CMSS1: variants seen among roughly 807,000 people sequenced by gnomAD.
The protein encoded by CMSS1 is cms1 ribosomal small subunit homolog, also known as protein CMSS1.
A neutral mutation model predicts 43.5 loss-of-function variants in CMSS1; 33 were observed. That is an observed-to-expected ratio of 0.76 (90% CI 0.57 to 1.01). The LOEUF (loss-of-function observed/expected upper bound fraction) is 1.01. CMSS1 is among the 50% of genes least tolerant of loss of function. The pLI is 0.00. For synonymous variants in CMSS1, 115 were observed against 117.2 expected (o/e 0.98, Z 0.12); for missense variants, 313 against 326.4 (o/e 0.96, Z 0.32).
At chr3:99,850,146 T>C (rs1194959327) in intron 1 of CMSS1, 5 of 1,611,536 alleles carry the variant, frequency 3.1e-6, no homozygotes, top group African/African-American at 1.3e-5. Flanking sequence ...TTTTCTTTAA[T>C]TTTTCACTCA....
chr3:100,025,838 A>C (rs887618340), intron 1 of CMSS1, among the ~76,000 whole-genome samples: 8 of 152,154 alleles, frequency 5.3e-5, no homozygotes, highest in Admixed American at 5.2e-4. Flanking sequence ...AGCCCAGGGA[A>C]GATAAATAAT....
At chr3:100,061,457 G>A (rs1451896422) in intron 1 of CMSS1, among the ~76,000 whole-genome samples, 1 of 152,146 alleles carries the variant, frequency 6.6e-6, no homozygotes, top group East Asian at 1.9e-4. Context: ...CCAGGCCCTT[G>A]TTTTACTTTC....
intron 1 of CMSS1, among the ~76,000 whole-genome samples, chr3:100,058,238 A>G (rs1250898016): frequency 6.6e-6 from 1 of 152,208 alleles, no homozygotes; most frequent in Non-Finnish European, 1.5e-5. Flanking sequence ...GCAGAAAATT[A>G]AGAGGCATCT....
chr3:99,889,946 G>A (rs1376280979), intron 1 of CMSS1, among the ~76,000 whole-genome samples: 1 of 151,956 alleles, frequency 6.6e-6, no homozygotes, highest in Non-Finnish European at 1.5e-5. Flanking sequence ...GGCAATTATT[G>A]GTTTAGATAT....
chr3:99,920,108 A>C (rs1707078053), intron 1 of CMSS1, among the ~76,000 whole-genome samples: 1 of 152,254 alleles, frequency 6.6e-6, no homozygotes, highest in Non-Finnish European at 1.5e-5. Context: ...CCATGGTTGA[A>C]GCCACAGTTT....
At chr3:99,968,277 G>T (rs917162327) in intron 1 of CMSS1, among the ~76,000 whole-genome samples, 1 of 152,108 alleles carries the variant, frequency 6.6e-6, no homozygotes, top group Non-Finnish European at 1.5e-5. Flanking sequence ...CAAAAAAATG[G>T]CAAACTACAG....
intron 1 of CMSS1, among the ~76,000 whole-genome samples, chr3:99,888,377 A>AT (rs1448235216): frequency 6.6e-6 from 1 of 152,112 alleles, no homozygotes; most frequent in Non-Finnish European, 1.5e-5. Flanking sequence ...TAAAAAAAAA[A>AT]AGTGACTGCT....
chr3:100,081,723 A>G (rs1382188626), intron 1 of CMSS1, among the ~76,000 whole-genome samples: 2 of 152,214 alleles, frequency 1.3e-5, no homozygotes, highest in Non-Finnish European at 2.9e-5. Context: ...AAATGTTACA[A>G]TGATACATCA....
At chr3:100,166,255 C>A in intron 4 of CMSS1, 80 bp from the exon 5 acceptor site, 1 of 936,786 alleles carries the variant, frequency 1.1e-6, no homozygotes, top group South Asian at 1.3e-5. Context: ...TTATACATCA[C>A]TCATAACTCA....
intron 1 of CMSS1, among the ~76,000 whole-genome samples, chr3:100,121,282 CT>C (rs1436909607): frequency 6.7e-6 from 1 of 149,674 alleles, no homozygotes; most frequent in African/African-American, 2.5e-5. Context: ...TGATGTTCCC[CT>C]CCCTGTGTCC....
At chr3:100,004,839 G>C (rs1709943543) in intron 1 of CMSS1, among the ~76,000 whole-genome samples, 1 of 152,232 alleles carries the variant, frequency 6.6e-6, no homozygotes, top group Admixed American at 6.5e-5. Context: ...CTATGGGGCA[G>C]GTGGGGAAAA....
intron 1 of CMSS1, among the ~76,000 whole-genome samples, chr3:99,962,011 T>C (rs149883227): frequency 2.7e-3 from 418 of 152,174 alleles, no homozygotes; most frequent in African/African-American, 9.5e-3. Flanking sequence ...GCCTTGCTGA[T>C]TGGGGGTTAG....
At chr3:99,923,692 C>A (rs564610077) in intron 1 of CMSS1, among the ~76,000 whole-genome samples, 1 of 152,298 alleles carries the variant, frequency 6.6e-6, no homozygotes, top group East Asian at 1.9e-4. Flanking sequence ...CTCCATGTTC[C>A]CTTAATCGTT....
chr3:100,002,946 G>T (rs1319387491), intron 1 of CMSS1, among the ~76,000 whole-genome samples: 3 of 152,170 alleles, frequency 2.0e-5, no homozygotes. Flanking sequence ...AGACATTCTT[G>T]CTGGGTTGCA....
chr3:100,018,524 C>T (rs1022665235), intron 1 of CMSS1, among the ~76,000 whole-genome samples: 2 of 151,960 alleles, frequency 1.3e-5, no homozygotes, highest in Non-Finnish European at 2.9e-5. Context: ...GAAATTTGAC[C>T]TTTATCTCAC....
At chr3:99,924,191 AT>A in intron 1 of CMSS1, 1 of 1,574,728 alleles carries the variant, frequency 6.4e-7, no homozygotes, top group African/African-American at 1.4e-5. Context: ...CAGCTCATAG[AT>A]TGCAGAATGG....
intron 1 of CMSS1, among the ~76,000 whole-genome samples, chr3:99,961,851 AT>A (rs749896450): frequency 2.6e-5 from 4 of 152,132 alleles, no homozygotes; most frequent in Non-Finnish European, 4.4e-5. Context: ...TCGTTTGTAC[AT>A]TTGTAGAGCA....
At chr3:100,164,687 T>C (rs914106441) in intron 4 of CMSS1, among the ~76,000 whole-genome samples, 1 of 152,114 alleles carries the variant, frequency 6.6e-6, no homozygotes, top group African/African-American at 2.4e-5. Flanking sequence ...GGACAGAGAA[T>C]AGATCTAAGC....
chr3:99,953,220 ATATTGGTTAAGT>A (rs1267707208), intron 1 of CMSS1, among the ~76,000 whole-genome samples: 3 of 152,122 alleles, frequency 2.0e-5, no homozygotes, highest in African/African-American at 7.2e-5. Flanking sequence ...TCATTTATTT[ATATTGGTTAAGT>A]TATTGGTTAA....
Sources: allele counts gnomAD v4.1 joint callset (sites outside exome capture counted in the v4.1 genomes callset), GRCh38; gene constraint gnomAD v4.1.1; transcripts MANE v1.5; gene names NCBI Gene and HGNC (gene_info 2026-07-23, HGNC 2026-07-21).